Variants in STAB1 observed in about 807,000 individuals in gnomAD.
STAB1 encodes stabilin-1.
In STAB1, 250 loss-of-function variants were observed where a neutral mutation model predicts 332.4. That is an observed-to-expected ratio of 0.75 (90% CI 0.68 to 0.84). The LOEUF is 0.84. Among genes scored for constraint, STAB1 ranks in the 40% least tolerant of loss-of-function variants. STAB1 has a pLI of 0.00. For synonymous variants in STAB1, 1,475 were observed against 1,390.4 expected (o/e 1.06, Z -1.35); for missense variants, 3,249 against 3,489.7 (o/e 0.93, Z 1.74).
chr3:52,507,920 GC>G lies in STAB1; in HGVS notation c.2053-8del. On this transcript the variant is annotated splice_polypyrimidine_tract_variant and intron_variant, in intron 19 of 68. Coordinates refer to ENST00000321725, the MANE Select transcript of STAB1 (RefSeq NM_015136.3). ...CACACCCACTGACTGGCTTTGCATGGCCCACCCTAGGACATCTTCCCCAAGG... is the reference window on the plus strand; with the variant it reads ...CACACCCACTGACTGGCTTTGCATGGCCACCCTAGGACATCTTCCCCAAGG... 2 of 1,611,550 alleles carry G rather than the reference GC, an allele frequency of 1.2e-6. No individual in the cohort carries two copies. The highest frequency in any genetic ancestry group is 1.7e-6 in the Non-Finnish European group (2 of 1,178,668).
At chr3:52,501,604 C>T (rs1160442049) in intron 2 of STAB1, 34 bp from the exon 3 acceptor site, 2 of 1,535,174 alleles carry the variant, frequency 1.3e-6, no homozygotes, top group Non-Finnish European at 1.8e-6. Flanking sequence ...GCAAGGGAGC[C>T]TTTTCCATCA....
chr3:52,517,633 C>T lies in STAB1; in HGVS notation c.4638+9C>T. Reference sequence around the variant, plus strand: ...TGGACCCCTGCTCTAAGGTCAGGACCCTAGTCCTGTCCTCCTTCACTGACG... The same window carrying T: ...TGGACCCCTGCTCTAAGGTCAGGACTCTAGTCCTGTCCTCCTTCACTGACG... On this transcript the variant is annotated intron_variant, in intron 44 of 68. Transcript: ENST00000321725. 1 of 1,611,650 alleles carries T rather than the reference C, an allele frequency of 6.2e-7. No individual in the cohort carries two copies.
chr3:52,508,310 G>T lies in STAB1; in HGVS notation c.2186G>T (p.Cys729Phe). ...GCCKGFFGPD[C>F]TQCPGGFSNP... ...TGCAAAGGTTTTTTCGGGCCTGACT[G>T]CACGCAGTGTCCTGGGGGCTTCTCC... The change falls in exon 21 of 69, where the codon TGC becomes TTC. Residue 729 changes from cysteine (C) to phenylalanine (F), a missense_variant. Coordinates refer to ENST00000321725, the MANE Select transcript of STAB1 (RefSeq NM_015136.3). 1 of 1,613,868 alleles carries T rather than the reference G, an allele frequency of 6.2e-7. No individual in the cohort carries two copies. Among genetic ancestry groups the T allele is most frequent in the South Asian group, 1.1e-5 (1 of 91,078 alleles).
chr3:52,522,760 CT>C lies in STAB1; in HGVS notation c.6745-14del. On this transcript the variant is annotated splice_polypyrimidine_tract_variant and intron_variant, in intron 61 of 68. Coordinates refer to ENST00000321725, the MANE Select transcript of STAB1 (RefSeq NM_015136.3). ...ACTGGGTCTTGGGTCTTAGTATCCC[CT>C]CCTGTTCCTACAGCTGGGCTTCCAC... is the stretch of plus-strand genomic sequence containing the variant. 6.2e-7 allele frequency: 1 copy of C among 1,612,914 alleles called. No homozygotes were observed. Among genetic ancestry groups the C allele is most frequent in the Non-Finnish European group, 8.5e-7 (1 of 1,179,896 alleles).
In STAB1 at chr3:52,501,927, CTG is replaced by C. The variant is rs1226887647; in HGVS notation, c.332-78_332-77del. ...TGCTTCCTTGGGGGAGGGGCCGAGT[CTG>C]GGGTTGGCCAGAGCTGCTGGGGTCA... On this transcript the variant is annotated intron_variant, in intron 3 of 68. Coordinates refer to ENST00000321725, the MANE Select transcript of STAB1 (RefSeq NM_015136.3). 5.8e-6 allele frequency: 9 copies of C among 1,562,142 alleles called. 1 individual carries two copies.
At position 52,500,966 on chromosome 3, in the gene STAB1, G is replaced by A. The variant is rs529563349; in HGVS notation, c.79-200G>A. The stretch of plus-strand genomic sequence containing the variant: ...TCACAGGGCCTTCCCCATCTGCACT[G>A]CATTCCCACTGAGCGCCCCCAGGGC... On this transcript the variant is annotated intron_variant, in intron 1 of 68. Transcript: ENST00000321725. Among the ~76,000 whole-genome samples the A allele has an allele frequency of 4.6e-5, 7 of 152,366 alleles. No homozygotes were observed. The East Asian group carries it at 1.4e-3, about 29-fold the overall frequency.
In STAB1 at chr3:52,522,595, C is replaced by T. The variant is rs773509826; in HGVS notation, c.6651C>T (p.Gly2217=). Residue 2217 remains glycine (G), a synonymous_variant, in exon 61 of 69, where the codon GGC becomes GGT. Coordinates refer to ENST00000321725, the MANE Select transcript of STAB1 (RefSeq NM_015136.3). ...TTTTCCACCTCCAGGCCACCAGCGG[C>T]CCTTATGGTCTGAACTTTTCGGAGG... ...AGVFHLQATS[G]PYGLNFSEAE... 6.2e-7 allele frequency: 1 copy of T among 1,613,032 alleles called. No homozygotes were observed. Among genetic ancestry groups the T allele is most frequent in the Non-Finnish European group, 8.5e-7 (1 of 1,180,030 alleles).
intron 42 of STAB1, 105 bp from the exon 43 acceptor site, chr3:52,517,215 C>T (rs2078899110): frequency 3.0e-6 from 4 of 1,333,782 alleles, no homozygotes; most frequent in Non-Finnish European, 4.1e-6. Context: ...CTTGTGGGGA[C>T]TGGGGGCGCT....
At chr3:52,505,417 T>C in intron 14 of STAB1, 36 bp downstream of exon 14, 2 of 1,594,236 alleles carry the variant, frequency 1.3e-6, no homozygotes, top group Non-Finnish European at 1.7e-6. Flanking sequence ...CCATGTGGGC[T>C]TCTGGGCTTC....
Position 52,509,918 on chromosome 3 carries a change from G to T in STAB1, c.2396G>T (p.Gly799Val), listed in dbSNP as rs1398142498. Residue 799 changes from glycine (G) to valine (V), a missense_variant, in exon 23 of 69, where the codon GGG (glycine) becomes GTG (valine). Coordinates refer to ENST00000321725, the MANE Select transcript of STAB1 (RefSeq NM_015136.3). Reference sequence around the variant, plus strand: ...TGCGACAACCGCCCAGGCAGTGGGGGGGTGTGCCAGCAGGGCACGTGTGCC... The same window carrying T: ...TGCGACAACCGCCCAGGCAGTGGGGTGGTGTGCCAGCAGGGCACGTGTGCC... ...GLCDNRPGSG[G>V]VCQQGTCAPG... The T allele has an allele frequency of 1.2e-6, 2 of 1,613,076 alleles. No homozygotes were observed. The highest frequency in any genetic ancestry group is 3.3e-5 in the Admixed American group (2 of 60,028).
At chr3:52,518,090 T>C in intron 45 of STAB1, 87 bp downstream of exon 45, 1 of 1,532,908 alleles carries the variant, frequency 6.5e-7, no homozygotes, top group Admixed American at 2.1e-5. Flanking sequence ...TCCGATTTGA[T>C]CCTGATTCTG....
chr3:52,515,972 G>A, intron 37 of STAB1, 71 bp from the exon 38 acceptor site: 1 of 1,462,240 alleles, frequency 6.8e-7, no homozygotes, highest in South Asian at 1.4e-5. Context: ...GCCCCGAGAT[G>A]CCCCCGTTCC....
In STAB1 at chr3:52,514,402, A is replaced by G; in HGVS notation, c.3584A>G (p.Glu1195Gly). The G allele has an allele frequency of 1.3e-6, 2 of 1,551,292 alleles. No homozygotes were observed. Among genetic ancestry groups the G allele is most frequent in the Admixed American group, 1.9e-5 (1 of 52,568 alleles). Residue 1195 changes from glutamate to glycine, a missense_variant, in exon 34 of 69, where the codon GAG (glutamate) becomes GGG (glycine). Physicochemically the swap from Glu to Gly is moderately conservative, Grantham distance 98. Coordinates refer to ENST00000321725, the MANE Select transcript of STAB1 (RefSeq NM_015136.3). ...GTGCGGCACCATGTGGTCCTGGGGG[A>G]GGCCCTCTCCATGGAAACCCTGCGG... ...DTVRHHVVLG[E>G]ALSMETLRKG...
chr3:52,513,019 G>T (rs759499780), intron 29 of STAB1, 61 bp downstream of exon 29: 421 of 1,579,596 alleles, frequency 2.7e-4, no homozygotes, highest in Admixed American at 3.9e-4. Flanking sequence ...TCCCTCCCCA[G>T]CGAGTCCTCA....
chr3:52,519,851 GAGCCCCTTCCTGCTCTGTGGCAC>G, intron 50 of STAB1, 70 bp from the exon 51 acceptor site: 1 of 1,429,062 alleles, frequency 7.0e-7, no homozygotes, highest in South Asian at 1.4e-5. Flanking sequence ...GGTGAGTGTG[GAGCCCCTTCCTGCTCTGTGGCAC>G]AGCCCCCTGC....
Position 52,522,316 on chromosome 3 carries a change from C to T in STAB1, c.6466-14C>T. On this transcript the variant is annotated splice_polypyrimidine_tract_variant and intron_variant, in intron 59 of 68. Transcript: ENST00000321725. ...TGAAGGGTGAAGGGCGCCCACTGCT[C>T]TCTCCAACCCCAGAACACACGGCGC... is the stretch of plus-strand genomic sequence containing the variant. 6.2e-7 allele frequency: 1 copy of T among 1,612,794 alleles called. No individual in the cohort carries two copies. Among genetic ancestry groups the T allele is most frequent in the South Asian group, 1.1e-5 (1 of 91,082 alleles).
At position 52,516,410 on chromosome 3, in the gene STAB1, G is replaced by T. The variant is rs778538938; in HGVS notation, c.4199G>T (p.Cys1400Phe). 3 of 1,611,616 alleles carry T rather than the reference G, an allele frequency of 1.9e-6. No individual in the cohort carries two copies. Among genetic ancestry groups the T allele is most frequent in the Non-Finnish European group, 1.7e-6 (2 of 1,178,364 alleles). Residue 1400 changes from cysteine (C) to phenylalanine (F), a missense_variant, in exon 39 of 69, where the codon TGT (cysteine) becomes TTT (phenylalanine). Coordinates refer to ENST00000321725, the MANE Select transcript of STAB1 (RefSeq NM_015136.3). ...CQEGLQGDGS[C>F]VCNVGWQGLR... ...GAGGGGCTGCAAGGGGACGGAAGCTGTGTCTGTAACGTGGGCTGGCAGGGC... is the reference window on the plus strand; with the variant it reads ...GAGGGGCTGCAAGGGGACGGAAGCTTTGTCTGTAACGTGGGCTGGCAGGGC...
chr3:52,516,823 C>A (rs2078883211), intron 41 of STAB1, 55 bp downstream of exon 41: 10 of 1,593,100 alleles, frequency 6.3e-6, no homozygotes, highest in Non-Finnish European at 7.7e-6. Context: ...TGGCTGTCCC[C>A]ACAGAGCCCC....
chr3:52,521,322 GC>G (rs746874192), intron 55 of STAB1, 38 bp from the exon 56 acceptor site: 3 of 1,611,986 alleles, frequency 1.9e-6, no homozygotes, highest in East Asian at 2.2e-5. Flanking sequence ...CCTGGTGAGA[GC>G]CCCTGGCCCC....
Sources: gnomAD v4.1 joint callset for allele counts (sites outside exome capture counted in the v4.1 genomes callset) on GRCh38, gnomAD v4.1.1 for gene constraint, MANE v1.5 for transcripts, NCBI Gene and HGNC (gene_info 2026-07-23, HGNC 2026-07-21) for gene names.